SLCO1B3: variants seen among roughly 807,000 people sequenced by gnomAD.
SLCO1B3 encodes the protein liver-specific organic anion transporter 2.
Under a neutral mutation model 71.8 loss-of-function variants are expected in SLCO1B3, and 72 were observed. The ratio of observed to expected loss-of-function variants is 1.00; its 90% confidence interval spans 0.83 to 1.22. SLCO1B3 has a LOEUF of 1.22. SLCO1B3 is among the 50% of genes most tolerant of loss of function. SLCO1B3 has a pLI of 0.00. For synonymous variants in SLCO1B3, 298 were observed against 278.4 expected, an observed-to-expected ratio of 1.07 and a Z score of -0.70; for missense variants, 911 against 819.7, an observed-to-expected ratio of 1.11 and a Z score of -1.36.
chr12:20,901,286 A>T, intron 14 of SLCO1B3, 64 bp from the exon 15 acceptor site: 1 of 1,008,908 alleles, frequency 9.9e-7, no homozygotes, highest in Non-Finnish European at 1.5e-6. Flanking sequence ...ATCAATATCG[A>T]CTATCGCTCA....
At chr12:20,888,989 C>T (rs1028738251) in intron 13 of SLCO1B3, among the ~76,000 whole-genome samples, 2 of 151,698 alleles carry the variant, frequency 1.3e-5, no homozygotes, top group Non-Finnish European at 2.9e-5. Context: ...TTTTGTGAAT[C>T]ACATTTTTGA....
chr12:20,842,380 C>T (rs1864820658), intron 3 of SLCO1B3, among the ~76,000 whole-genome samples: 2 of 152,070 alleles, frequency 1.3e-5, no homozygotes, highest in Admixed American at 6.6e-5. Context: ...ATATTTTATA[C>T]CTATTAAATC....
chr12:20,890,452 G>GC (rs1865881872), intron 13 of SLCO1B3, among the ~76,000 whole-genome samples: 1 of 152,180 alleles, frequency 6.6e-6, no homozygotes. Context: ...TGAAAATGCT[G>GC]CATGTGTACA....
intron 3 of SLCO1B3, among the ~76,000 whole-genome samples, chr12:20,836,400 C>T (rs1864680744): frequency 6.6e-6 from 1 of 151,924 alleles, no homozygotes; most frequent in African/African-American, 2.4e-5. Flanking sequence ...AATTTTTTTA[C>T]TAATATTTGT....
chr12:20,881,027 A>G lies in SLCO1B3; in HGVS notation c.1497+7A>G. The G allele has an allele frequency of 6.3e-7, 1 of 1,575,992 alleles. No homozygotes were observed. Among genetic ancestry groups the G allele is most frequent in the Non-Finnish European group, 8.6e-7 (1 of 1,160,882 alleles). On this transcript the variant is annotated splice_region_variant and intron_variant, in intron 12 of 15. Transcript: ENST00000381545. ...TGGTATTAAAAAGCATACAGTGAGT[A>G]TTAGTTTTCACTTTTTCTCCTCTCC... is the stretch of plus-strand genomic sequence containing the variant.
At position 20,855,021 on chromosome 12, in the gene SLCO1B3, T is replaced by C. The variant is rs887341149; in HGVS notation, c.85-7T>C. 2 of 1,608,072 alleles carry C rather than the reference T, an allele frequency of 1.2e-6. No homozygotes were observed. The highest frequency in any genetic ancestry group is 1.7e-6 in the Non-Finnish European group (2 of 1,178,782). On this transcript the variant is annotated splice_region_variant and splice_polypyrimidine_tract_variant and intron_variant, in intron 3 of 15. Coordinates refer to ENST00000381545, the MANE Select transcript of SLCO1B3 (RefSeq NM_019844.4). ...CCAATTTTCATTTTTTCTTCTATTG[T>C]TTTTAGATGTTCTTGGCAGCCCTGT...
chr12:20,845,038 A>G lies in SLCO1B3; in HGVS notation c.85-9990A>G, dbSNP rs1350104986. The G allele has an allele frequency of 1.6e-5, 5 of 308,360 alleles. No homozygotes were observed. The Admixed American group carries it at 2.0e-4, about 12-fold the overall frequency. 19.1% of individuals were successfully genotyped at this position (308,360 alleles called of 1,614,324 possible). A position where few individuals can be genotyped will look rare whatever the true frequency, so the allele number is the denominator to read the frequency against. ...GAGCAAGACTGTCTCAAAAAAAAAA[A>G]AAAAAAAAAGCACCAGTTCTATCCC... On this transcript the variant is annotated intron_variant, in intron 3 of 15. Coordinates refer to ENST00000381545, the MANE Select transcript of SLCO1B3 (RefSeq NM_019844.4).
chr12:20,890,274 T>C (rs1865878956), intron 13 of SLCO1B3, among the ~76,000 whole-genome samples: 1 of 152,200 alleles, frequency 6.6e-6, no homozygotes, highest in Non-Finnish European at 1.5e-5. Context: ...AAATAATTGT[T>C]CAGGAACAGG....
chr12:20,915,752 T>A (rs982745355), intron 15 of SLCO1B3, among the ~76,000 whole-genome samples: 1 of 152,082 alleles, frequency 6.6e-6, no homozygotes, highest in Non-Finnish European at 1.5e-5. Context: ...GGGCTGGAGT[T>A]ATGTATTTTC....
intron 3 of SLCO1B3, among the ~76,000 whole-genome samples, chr12:20,816,414 G>A (rs1864194493): frequency 6.6e-6 from 1 of 151,962 alleles, no homozygotes; most frequent in South Asian, 2.1e-4. Context: ...GAATTCAATT[G>A]TTTTGATGTT....
intron 15 of SLCO1B3, among the ~76,000 whole-genome samples, chr12:20,909,880 A>T (rs1866339799): frequency 6.6e-6 from 1 of 152,172 alleles, no homozygotes; most frequent in African/African-American, 2.4e-5. Context: ...GTCCATTAAT[A>T]TGATGAATTA....
intron 14 of SLCO1B3, among the ~76,000 whole-genome samples, chr12:20,898,968 C>T (rs1315895198): frequency 2.0e-5 from 3 of 152,144 alleles, no homozygotes; most frequent in Admixed American, 2.0e-4. Flanking sequence ...TTCCCACTGC[C>T]TGGTCCTCTA....
chr12:20,851,367 C>T (rs1486788498), intron 3 of SLCO1B3, among the ~76,000 whole-genome samples: 2 of 151,990 alleles, frequency 1.3e-5, no homozygotes, highest in Admixed American at 6.6e-5. Context: ...TTCTGATGAG[C>T]GTGGGGTGAT....
At chr12:20,864,321 G>A (rs1865330323) in intron 8 of SLCO1B3, among the ~76,000 whole-genome samples, 1 of 151,766 alleles carries the variant, frequency 6.6e-6, no homozygotes, top group African/African-American at 2.4e-5. Flanking sequence ...ATCTCTTTGA[G>A]AACATGACAG....
At chr12:20,813,211 A>G (rs1254763078) in intron 1 of SLCO1B3, among the ~76,000 whole-genome samples, 3 of 152,188 alleles carry the variant, frequency 2.0e-5, no homozygotes, top group Non-Finnish European at 4.4e-5. Flanking sequence ...ATATATATTT[A>G]TGGTTTTTAT....
At chr12:20,838,183 A>C (rs918535369) in intron 3 of SLCO1B3, among the ~76,000 whole-genome samples, 21 of 151,620 alleles carry the variant, frequency 1.4e-4, no homozygotes, top group African/African-American at 5.1e-4. Flanking sequence ...CACAACATGC[A>C]GGTTTGTTAC....
chr12:20,848,624 C>T (rs1258398728), intron 3 of SLCO1B3, among the ~76,000 whole-genome samples: 1 of 152,058 alleles, frequency 6.6e-6, no homozygotes, highest in Non-Finnish European at 1.5e-5. Flanking sequence ...AACTGTGATA[C>T]AGTCAAACAA....
intron 15 of SLCO1B3, among the ~76,000 whole-genome samples, chr12:20,915,122 A>G (rs1327440639): frequency 6.6e-6 from 1 of 151,624 alleles, no homozygotes; most frequent in East Asian, 1.9e-4. Flanking sequence ...TTCCCCTTCA[A>G]GTATTTTCAT....
chr12:20,868,734 G>A lies in SLCO1B3; in HGVS notation c.727+5880G>A, dbSNP rs551078450. On this transcript the variant is annotated intron_variant, in intron 8 of 15. Transcript: ENST00000381545. Reference sequence around the variant, plus strand: ...ATGCACAGAGACTGGTAGTGGCCCCGAATGTCTGGCTGTGCTGTTATTTAT... The same window carrying A: ...ATGCACAGAGACTGGTAGTGGCCCCAAATGTCTGGCTGTGCTGTTATTTAT... Among the ~76,000 whole-genome samples, 174 of 152,194 alleles carry A rather than the reference G, an allele frequency of 1.1e-3. 1 individual carries two copies. Among genetic ancestry groups the A allele is most frequent in the Non-Finnish European group, 1.7e-3 (114 of 68,000 alleles).
Sources: allele counts gnomAD v4.1 joint callset (sites outside exome capture counted in the v4.1 genomes callset), GRCh38; gene constraint gnomAD v4.1.1; transcripts MANE v1.5; gene names NCBI Gene and HGNC (gene_info 2026-07-23, HGNC 2026-07-21).